Variants in SPTBN5 observed in about 807,000 individuals in gnomAD.
The protein encoded by SPTBN5 is spectrin beta, non-erythrocytic 5, also known as spectrin beta chain, non-erythrocytic 5.
A neutral mutation model predicts 477.6 loss-of-function variants in SPTBN5; 513 were observed. That is an observed-to-expected ratio of 1.07 (90% CI 1.00 to 1.16). The LOEUF (loss-of-function observed/expected upper bound fraction) is 1.16. Ranked by LOEUF, SPTBN5 falls within the 50% of genes most tolerant of loss-of-function variation. The probability of loss-of-function intolerance (pLI) is 0.00; values close to 1 mark genes in which losing one functional copy is unlikely to be tolerated. For missense variants in SPTBN5, 5,062 were observed against 4,731.8 expected (o/e 1.07, Z -2.05); for synonymous variants, 2,169 against 2,011.7 (o/e 1.08, Z -2.09).
chr15:41,891,857 A>G (rs925352454), intron 3 of SPTBN5, among the ~76,000 whole-genome samples: 4 of 152,158 alleles, frequency 2.6e-5, no homozygotes, highest in African/African-American at 4.8e-5. Context: ...TCCTATGTGT[A>G]TGGAGACAAG....
In SPTBN5 at chr15:41,852,956, C is replaced by T. The variant is rs771920687; in HGVS notation, c.10215G>A (p.Leu3405=). ...GCCAGCGCAGGGCCCAAGCCTCCTCCAGCTCCTGCAGCCGCCCTTCCAGCT... is the reference window on the plus strand; with the variant it reads ...GCCAGCGCAGGGCCCAAGCCTCCTCTAGCTCCTGCAGCCGCCCTTCCAGCT... The part of the protein sequence containing the change: ...LQELEGRLQE[L]EEAWALRWQR... Residue 3405 remains leucine (L), a synonymous_variant, in exon 60 of 68, where the codon CTG becomes CTA. Coordinates refer to ENST00000320955, the MANE Select transcript of SPTBN5 (RefSeq NM_016642.4). 3.8e-6 allele frequency: 6 copies of T among 1,570,284 alleles called. No homozygotes were observed. In the East Asian group the frequency reaches 9.4e-5, roughly 25 times the overall value.
At chr15:41,875,176 C>A (rs963283446) in intron 22 of SPTBN5, 120 bp from the exon 23 acceptor site, 1 of 989,640 alleles carries the variant, frequency 1.0e-6, no homozygotes. Flanking sequence ...CTGTCCCCAC[C>A]ACTGCCAACC....
intron 56 of SPTBN5, among the ~76,000 whole-genome samples, chr15:41,854,462 G>A (rs1251783988): frequency 6.6e-6 from 1 of 152,222 alleles, no homozygotes; most frequent in Middle Eastern, 3.4e-3. Flanking sequence ...CAGACGCGAG[G>A]TGTTGGGTCC....
chr15:41,851,804 T>C lies in SPTBN5; in HGVS notation c.10631A>G (p.Gln3544Arg), dbSNP rs920253436. 32 of 1,610,518 alleles carry C rather than the reference T, an allele frequency of 2.0e-5. No individual in the cohort carries two copies. Among genetic ancestry groups the C allele is most frequent in the Non-Finnish European group, 2.5e-5 (30 of 1,179,528 alleles). The change falls in exon 63 of 68, where the codon CAG becomes CGG. Residue 3544 changes from glutamine (Q) to arginine (R), a missense_variant. Transcript: ENST00000320955. ...CTGCCTCCCGCCAGGCAGCAGGTGC[T>C]GCTTGAACTCCAAAGACCCCTCCAT... ...PTMEGSLEFK[Q>R]HLLPGGRQPS... is the part of the protein sequence containing the mutation.
chr15:41,881,434 G>A (rs1239237247), intron 12 of SPTBN5, among the ~76,000 whole-genome samples, 200 bp from the exon 13 acceptor site: 2 of 152,218 alleles, frequency 1.3e-5, no homozygotes, highest in African/African-American at 4.8e-5. Flanking sequence ...AGGATCTGAT[G>A]GCTTTGATTT....
Position 41,851,285 on chromosome 15 carries a change from C to G in SPTBN5, c.10741G>C (p.Glu3581Gln), listed in dbSNP as rs370554525. 13 of 1,551,304 alleles carry G rather than the reference C, an allele frequency of 8.4e-6. No individual in the cohort carries two copies. The highest frequency in any genetic ancestry group is 1.1e-5 in the Non-Finnish European group (13 of 1,147,038). ...SLFLDERMAAEKVASIALLDL... is the reference protein window; with the variant it reads ...SLFLDERMAAQKVASIALLDL... Reference sequence around the variant, plus strand: ...ATCTCCCCTACCCCGCCTGGTACCTCCGCTGCCATCCTCTCATCCAGGAAC... The same window carrying G: ...ATCTCCCCTACCCCGCCTGGTACCTGCGCTGCCATCCTCTCATCCAGGAAC... The change falls in exon 64 of 68, where the codon GAG (glutamate) becomes CAG (glutamine). Residue 3581 changes from glutamate (E) to glutamine (Q), a missense_variant and splice_region_variant. Glu to Gln is a conservative substitution (Grantham distance 29). Coordinates refer to ENST00000320955, the MANE Select transcript of SPTBN5 (RefSeq NM_016642.4).
chr15:41,867,937 G>C, intron 34 of SPTBN5, 132 bp downstream of exon 34: 2 of 1,260,488 alleles, frequency 1.6e-6, no homozygotes, highest in Non-Finnish European at 2.1e-6. Context: ...TGGCCACCTG[G>C]AAGGACTTGT....
At chr15:41,860,874 G>A (rs777410468) in intron 46 of SPTBN5, 116 bp from the exon 47 acceptor site, 22 of 1,042,732 alleles carry the variant, frequency 2.1e-5, no homozygotes, top group African/African-American at 1.3e-4. Context: ...CGGCTGCTCC[G>A]CCCAAACACA....
rs2065847447 is a variant in SPTBN5, at chr15:41,853,678, G to T, written c.9884C>A (p.Ala3295Asp). The change falls in exon 58 of 68, where the codon GCC becomes GAC. Residue 3295 changes from alanine to aspartate, a missense_variant. Physicochemically the swap from Ala to Asp is moderately radical, Grantham distance 126. Coordinates refer to ENST00000320955, the MANE Select transcript of SPTBN5 (RefSeq NM_016642.4). Reference sequence around the variant, plus strand: ...GGCCTTCGCCTGCAGGGTGGCCCAGGCCTCCTGCACCTTGGCCAGGCCCCC... The same window carrying T: ...GGCCTTCGCCTGCAGGGTGGCCCAGTCCTCCTGCACCTTGGCCAGGCCCCC... ...APGGLAKVQE[A>D]WATLQAKAQE... The T allele has an allele frequency of 1.2e-6, 2 of 1,601,566 alleles. No individual in the cohort carries two copies. Among genetic ancestry groups the T allele is most frequent in the South Asian group, 2.2e-5 (2 of 90,092 alleles).
chr15:41,881,309 T>A (rs2066943966), intron 12 of SPTBN5, 75 bp from the exon 13 acceptor site: 6 of 1,286,262 alleles, frequency 4.7e-6, no homozygotes, highest in Non-Finnish European at 6.5e-6. Context: ...CACCCCTACC[T>A]CCGTGCCCTG....
At position 41,882,055 on chromosome 15, in the gene SPTBN5, C is replaced by T. The variant is rs1387276269; in HGVS notation, c.2338G>A (p.Ala780Thr). 1.9e-6 allele frequency: 3 copies of T among 1,558,834 alleles called. No homozygotes were observed. In the African/African-American group the frequency reaches 4.2e-5, roughly 22 times the overall value. ...RASCGQDQAA[A>T]ETLLRRHVRL... ...ACGTGGCGCCTCAGCAGGGTCTCGG[C>T]GGCCGCCTGGTCCTGACCGCAGGAC... The change falls in exon 12 of 68, where the codon GCC becomes ACC. Residue 780 changes from alanine to threonine, a missense_variant. Coordinates refer to ENST00000320955, the MANE Select transcript of SPTBN5 (RefSeq NM_016642.4).
intron 6 of SPTBN5, 46 bp downstream of exon 6, chr15:41,887,167 C>T (rs989066424): frequency 2.6e-6 from 4 of 1,523,314 alleles, no homozygotes; most frequent in African/African-American, 1.4e-5. Flanking sequence ...TTAGGCCTGT[C>T]TGCCTCTGGA....
At chr15:41,874,727 GACTCT>G in intron 23 of SPTBN5, 110 bp downstream of exon 23, 1 of 1,096,112 alleles carries the variant, frequency 9.1e-7, no homozygotes, top group Non-Finnish European at 1.3e-6. Context: ...ATCCCAGAAT[GACTCT>G]ACTCATAAGG....
chr15:41,873,613 C>G lies in SPTBN5; in HGVS notation c.4891-5G>C. 6.5e-7 allele frequency: 1 copy of G among 1,550,252 alleles called. No individual in the cohort carries two copies. The highest frequency in any genetic ancestry group is 8.7e-7 in the Non-Finnish European group (1 of 1,146,410). ...CTCTGACACATCCAGAAAGTACTGC[C>G]AAGAGTGGGGCCAACTCACCTGGAG... On this transcript the variant is annotated splice_polypyrimidine_tract_variant and splice_region_variant and intron_variant, in intron 25 of 67. Transcript: ENST00000320955.
Position 41,852,237 on chromosome 15 carries a change from C to T in SPTBN5, c.10529G>A (p.Arg3510Lys). The T allele has an allele frequency of 1.2e-6, 2 of 1,611,214 alleles. No individual in the cohort carries two copies. Among genetic ancestry groups the T allele is most frequent in the Non-Finnish European group, 1.7e-6 (2 of 1,178,744 alleles). ...AGSSLTSFQW[R>K]PSGHQGLGAQ... ...TCCTAGCCCCTGGTGTCCAGAGGGC[C>T]TCCACTGAAAGGATGTCAGCGAGCT... Residue 3510 changes from arginine to lysine, a missense_variant, in exon 62 of 68, where the codon AGG (arginine) becomes AAG (lysine). Coordinates refer to ENST00000320955, the MANE Select transcript of SPTBN5 (RefSeq NM_016642.4).
rs1287892733 is a variant in SPTBN5, at chr15:41,894,043, C to G, written c.-194G>C. The G allele has an allele frequency of 1.9e-5, 3 of 159,954 alleles. No homozygotes were observed. Among genetic ancestry groups the G allele is most frequent in the African/African-American group, 7.2e-5 (3 of 41,608 alleles). The allele number at this position is 159,954 out of a possible 1,614,324, so 9.9% of individuals were successfully genotyped here. A position where few individuals can be genotyped will look rare whatever the true frequency, so the allele number is the denominator to read the frequency against. ...CACCACAGCCCTCCCCTTGAGCCAG[C>G]GTGCTGGGGTGACGGCACACAGGCG... On this transcript the variant is annotated 5_prime_UTR_variant, in exon 1 of 68. Transcript: ENST00000320955.
At chr15:41,879,927 C>A in intron 14 of SPTBN5, 63 bp from the exon 15 acceptor site, 1 of 1,597,008 alleles carries the variant, frequency 6.3e-7, no homozygotes, top group Non-Finnish European at 8.5e-7. Flanking sequence ...TCCCCTCTAG[C>A]CTATGACGGA....
Position 41,866,138 on chromosome 15 carries a change from C to T in SPTBN5, c.6722G>A (p.Arg2241Lys), listed in dbSNP as rs752742173. 3.8e-6 allele frequency: 6 copies of T among 1,560,698 alleles called. No homozygotes were observed. The highest frequency in any genetic ancestry group is 1.9e-5 in the Admixed American group (1 of 52,480). The change falls in exon 38 of 68, where the codon AGG becomes AAG. Residue 2241 changes from arginine (R) to lysine (K), a missense_variant. Coordinates refer to ENST00000320955, the MANE Select transcript of SPTBN5 (RefSeq NM_016642.4). ...CTGGCCCCTGAGGGCCATTGCCTGC[C>T]TCAGGTCCTCCCAGTGCTTCCGCAG... ...QGLRKHWEDL[R>K]QAMALRGQEL...
chr15:41,848,714 C>G, intron 67 of SPTBN5, 86 bp from the exon 68 acceptor site: 1 of 1,499,882 alleles, frequency 6.7e-7, no homozygotes, highest in East Asian at 2.3e-5. Flanking sequence ...CCCTGCCCTC[C>G]CCTGGACCAG....
Sources: gnomAD v4.1 joint callset for allele counts (sites outside exome capture counted in the v4.1 genomes callset) on GRCh38, gnomAD v4.1.1 for gene constraint, MANE v1.5 for transcripts, NCBI Gene and HGNC (gene_info 2026-07-23, HGNC 2026-07-21) for gene names.